Variants in ARHGAP15 observed in about 807,000 individuals in gnomAD.
The protein encoded by ARHGAP15 is rho GTPase-activating protein 15.
In ARHGAP15, 51 loss-of-function variants were observed where a neutral mutation model predicts 63.7. That is an observed-to-expected ratio of 0.80 (90% CI 0.64 to 1.01). ARHGAP15 has a LOEUF of 1.01. Ranked by LOEUF, ARHGAP15 falls within the 50% of genes least tolerant of loss-of-function variation. The pLI is 0.00. For synonymous variants in ARHGAP15, 191 were observed against 193.8 expected, an observed-to-expected ratio of 0.99 and a Z score of 0.12; for missense variants, 560 against 564.6, an observed-to-expected ratio of 0.99 and a Z score of 0.08.
At chr2:143,372,375 C>T (rs1206313898) in intron 6 of ARHGAP15, among the ~76,000 whole-genome samples, 1 of 144,082 alleles carries the variant, frequency 6.9e-6, no homozygotes, top group Non-Finnish European at 1.5e-5. Flanking sequence ...AAAAAAAGGA[C>T]CCAGAGACTC....
At position 143,227,365 on chromosome 2, in the gene ARHGAP15, G is replaced by A. The variant is rs556494906; in HGVS notation, c.297-1216G>A. Among the ~76,000 whole-genome samples, 22 of 152,180 alleles carry A rather than the reference G, an allele frequency of 1.4e-4. 1 individual carries two copies. In the South Asian group the frequency reaches 2.3e-3, roughly 16 times the overall value. On this transcript the variant is annotated intron_variant, in intron 4 of 13. Coordinates refer to ENST00000295095, the MANE Select transcript of ARHGAP15 (RefSeq NM_018460.4). Reference sequence around the variant, plus strand: ...TTGACTCAATACATATGTATTTTGCGTCTATTCTGTCCAAGGCACCATGCT... The same window carrying A: ...TTGACTCAATACATATGTATTTTGCATCTATTCTGTCCAAGGCACCATGCT...
chr2:143,154,107 C>T (rs114338413), intron 1 of ARHGAP15, among the ~76,000 whole-genome samples: 204 of 151,726 alleles, frequency 1.3e-3, no homozygotes, highest in African/African-American at 4.1e-3. Flanking sequence ...CCTCTTTCTG[C>T]CTGCCTGTTT....
intron 5 of ARHGAP15, among the ~76,000 whole-genome samples, chr2:143,238,553 G>C (rs528733928): frequency 6.6e-6 from 1 of 152,140 alleles, no homozygotes. Flanking sequence ...ACAGGTGCTG[G>C]TGAGGTTGCA....
intron 12 of ARHGAP15, among the ~76,000 whole-genome samples, chr2:143,683,570 A>G (rs1216520051): frequency 6.6e-6 from 1 of 152,214 alleles, no homozygotes; most frequent in Non-Finnish European, 1.5e-5. Flanking sequence ...GGCAGAAAGA[A>G]GCTAATTTTA....
chr2:143,282,854 C>T (rs79141263), intron 6 of ARHGAP15, among the ~76,000 whole-genome samples: 292 of 152,268 alleles, frequency 1.9e-3, no homozygotes, highest in African/African-American at 6.2e-3. Flanking sequence ...AGGCTTCCTC[C>T]TCTACTTTAC....
At chr2:143,656,069 ATTTCTTAGTTATAATAG>A (rs987032144) in intron 12 of ARHGAP15, 31 of 152,128 alleles carry the variant, frequency 2.0e-4, no homozygotes, top group Non-Finnish European at 3.4e-4. Context: ...AAGTTATAAT[ATTTCTTAGTTATAATAG>A]TTTCTTAGTT....
At chr2:143,759,410 A>G (rs537295850) in intron 13 of ARHGAP15, among the ~76,000 whole-genome samples, 9 of 152,284 alleles carry the variant, frequency 5.9e-5, no homozygotes, top group African/African-American at 2.2e-4. Flanking sequence ...GTTAGAAGTG[A>G]AAAATGCCAG....
At chr2:143,251,538 T>A (rs1680158994) in intron 6 of ARHGAP15, among the ~76,000 whole-genome samples, 1 of 152,070 alleles carries the variant, frequency 6.6e-6, no homozygotes, top group African/African-American at 2.4e-5. Context: ...CAGTTCGGTT[T>A]GTATTTTCCA....
chr2:143,361,518 G>T (rs1233954754), intron 6 of ARHGAP15, among the ~76,000 whole-genome samples: 2 of 152,140 alleles, frequency 1.3e-5, no homozygotes, highest in African/African-American at 4.8e-5. Flanking sequence ...GGTCACAGAA[G>T]ATTCTGTGTT....
At chr2:143,675,253 G>A (rs1387479477) in intron 12 of ARHGAP15, among the ~76,000 whole-genome samples, 1 of 152,270 alleles carries the variant, frequency 6.6e-6, no homozygotes, top group East Asian at 1.9e-4. Flanking sequence ...TAGTTCTCTT[G>A]CTAGTTCCAC....
intron 6 of ARHGAP15, among the ~76,000 whole-genome samples, chr2:143,348,689 G>A (rs982011117): frequency 2.6e-5 from 4 of 152,120 alleles, no homozygotes; most frequent in Non-Finnish European, 4.4e-5. Context: ...TTACATGTGC[G>A]ACTATTCTCA....
chr2:143,415,877 GA>G (rs1209547697), intron 6 of ARHGAP15, among the ~76,000 whole-genome samples: 4 of 152,138 alleles, frequency 2.6e-5, no homozygotes, highest in African/African-American at 9.7e-5. Flanking sequence ...CTCCCGAATG[GA>G]AAACCAGACA....
intron 6 of ARHGAP15, among the ~76,000 whole-genome samples, chr2:143,261,456 A>G (rs999816958): frequency 6.1e-5 from 9 of 147,926 alleles, no homozygotes; most frequent in Non-Finnish European, 8.9e-5. Flanking sequence ...CTCCTGCCTC[A>G]GTCTCCTGAG....
chr2:143,445,986 C>A (rs1327419927), intron 8 of ARHGAP15, among the ~76,000 whole-genome samples: 1 of 151,848 alleles, frequency 6.6e-6, no homozygotes, highest in Non-Finnish European at 1.5e-5. Context: ...AGTGTTAGCC[C>A]TCAGAACCCT....
rs573378727 is a variant in ARHGAP15 at position 143,421,192 on chromosome 2, A to G, written c.475-14409A>G. Among the ~76,000 whole-genome samples the G allele has an allele frequency of 2.0e-5, 3 of 152,270 alleles. No homozygotes were observed. In the South Asian group the frequency reaches 6.2e-4, roughly 32 times the overall value. ...TTTAAGGTATATTTAGAAAACCTAG[A>G]GTCTAAGCCAAATTCTGAAGAACCA... On this transcript the variant is annotated intron_variant, in intron 6 of 13. Coordinates refer to ENST00000295095, the MANE Select transcript of ARHGAP15 (RefSeq NM_018460.4).
chr2:143,393,568 C>G (rs533002125), intron 6 of ARHGAP15, among the ~76,000 whole-genome samples: 49 of 151,844 alleles, frequency 3.2e-4, no homozygotes, highest in South Asian at 1.5e-3. Flanking sequence ...CCCATCTCTA[C>G]TAAAAACACA....
At chr2:143,415,675 G>A (rs1035005428) in intron 6 of ARHGAP15, among the ~76,000 whole-genome samples, 6 of 152,112 alleles carry the variant, frequency 3.9e-5, no homozygotes, top group African/African-American at 1.4e-4. Flanking sequence ...TAGGTGAAAG[G>A]CAAAGTTATA....
At chr2:143,578,672 T>C (rs1385249133) in intron 11 of ARHGAP15, among the ~76,000 whole-genome samples, 2 of 152,172 alleles carry the variant, frequency 1.3e-5, no homozygotes, top group African/African-American at 4.8e-5. Context: ...GTTTACTGTT[T>C]TTGTTGTATC....
chr2:143,254,970 G>A (rs1680347646), intron 6 of ARHGAP15, among the ~76,000 whole-genome samples: 1 of 151,874 alleles, frequency 6.6e-6, no homozygotes, highest in South Asian at 2.1e-4. Flanking sequence ...TGTTTCCTGG[G>A]TCTTTTTCAT....
Sources: gnomAD v4.1 joint callset for allele counts (sites outside exome capture counted in the v4.1 genomes callset) on GRCh38, gnomAD v4.1.1 for gene constraint, MANE v1.5 for transcripts, NCBI Gene and HGNC (gene_info 2026-07-23, HGNC 2026-07-21) for gene names.